Variants in ATP8A2 observed in about 807,000 individuals in gnomAD.
The protein encoded by ATP8A2 is phospholipid-transporting ATPase IB.
Under a neutral mutation model 165.6 loss-of-function variants are expected in ATP8A2, and 100 were observed. That is an observed-to-expected ratio of 0.60 (90% CI 0.51 to 0.71). The LOEUF (loss-of-function observed/expected upper bound fraction) is 0.71, where lower values mean the gene tolerates loss of function less well. Among genes scored for constraint, ATP8A2 ranks in the 30% least tolerant of loss-of-function variants. The probability of loss-of-function intolerance (pLI) is 0.00; values close to 1 mark genes in which losing one functional copy is unlikely to be tolerated. For synonymous variants in ATP8A2, 543 were observed against 548.8 expected, an observed-to-expected ratio of 0.99 and a Z score of 0.15; for missense variants, 1,227 against 1,479.5, an observed-to-expected ratio of 0.83 and a Z score of 2.80.
intron 24 of ATP8A2, among the ~76,000 whole-genome samples, chr13:25,604,487 T>C (rs1382515777): frequency 2.0e-5 from 3 of 152,214 alleles, no homozygotes; most frequent in Non-Finnish European, 4.4e-5. Context: ...GATTTCCCTA[T>C]CATGGTGAGC....
intron 1 of ATP8A2, among the ~76,000 whole-genome samples, chr13:25,467,255 G>A (rs1181117902): frequency 2.0e-5 from 3 of 152,246 alleles, no homozygotes; most frequent in Admixed American, 6.5e-5. Context: ...TGCCTGGCCT[G>A]TGACCAGGGA....
chr13:26,008,843 T>C (rs984121018), intron 35 of ATP8A2, among the ~76,000 whole-genome samples: 2 of 152,194 alleles, frequency 1.3e-5, no homozygotes, highest in African/African-American at 4.8e-5. Context: ...TAAATTATTT[T>C]CTAACTTTTG....
rs556209136 is a variant in ATP8A2 at position 25,839,469 on chromosome 13, TG to T, written c.2878-76del. The T allele has an allele frequency of 8.4e-4, 813 of 965,174 alleles. 4 individuals are homozygous for T. In the African/African-American group the frequency reaches 0.011, roughly 13 times the overall value. The allele number at this position is 965,174 out of a possible 1,614,324, so 59.8% of individuals were successfully genotyped here. A position where few individuals can be genotyped will look rare whatever the true frequency, so the allele number is the denominator to read the frequency against. On this transcript the variant is annotated intron_variant, in intron 29 of 36. Transcript: ENST00000381655. ...AGCGCACGGCCAGGATCCTTCACAA[TG>T]TGGCGTTTGTTGAGAGTTTCACAGA...
intron 32 of ATP8A2, 35 bp downstream of exon 32, chr13:25,860,895 A>G (rs1278617897): frequency 4.9e-6 from 7 of 1,436,060 alleles, no homozygotes; most frequent in Admixed American, 1.9e-5. Context: ...TCTGTTCAGT[A>G]TAGATATTTT....
intron 35 of ATP8A2, among the ~76,000 whole-genome samples, chr13:25,976,513 C>T (rs1480856201): frequency 3.9e-5 from 6 of 152,046 alleles, no homozygotes; most frequent in Middle Eastern, 3.4e-3. Flanking sequence ...TGGAAAGCCA[C>T]GGAGCCCCCA....
At chr13:25,410,039 G>C (rs1227804174) in intron 1 of ATP8A2, among the ~76,000 whole-genome samples, 2 of 149,754 alleles carry the variant, frequency 1.3e-5, no homozygotes, top group Non-Finnish European at 1.5e-5. Context: ...CTCCTAATGG[G>C]TTCAGCCATT....
chr13:25,749,762 A>G (rs2044115081), intron 25 of ATP8A2, among the ~76,000 whole-genome samples: 1 of 152,242 alleles, frequency 6.6e-6, no homozygotes, highest in Admixed American at 6.5e-5. Context: ...CTGGAAAGGA[A>G]GTTAAAATGG....
chr13:25,815,297 A>G (rs986649353), intron 27 of ATP8A2, among the ~76,000 whole-genome samples: 7 of 152,216 alleles, frequency 4.6e-5, no homozygotes, highest in Non-Finnish European at 7.3e-5. Context: ...TGCAAATCAT[A>G]TATCCGATAA....
At chr13:25,880,137 A>G (rs911494210) in intron 33 of ATP8A2, among the ~76,000 whole-genome samples, 1 of 152,218 alleles carries the variant, frequency 6.6e-6, no homozygotes, top group Non-Finnish European at 1.5e-5. Flanking sequence ...AGGAATAATC[A>G]GTTATCAGAT....
chr13:25,573,449 C>T (rs943364039), intron 18 of ATP8A2, among the ~76,000 whole-genome samples: 36 of 152,002 alleles, frequency 2.4e-4, no homozygotes, highest in Admixed American at 9.8e-4. Flanking sequence ...AGTTAGGACT[C>T]GTAGATAACA....
chr13:25,891,339 T>TTTGTA (rs1204551217), intron 33 of ATP8A2, among the ~76,000 whole-genome samples: 1 of 152,182 alleles, frequency 6.6e-6, no homozygotes, highest in Non-Finnish European at 1.5e-5. Context: ...TTTGTTTTGT[T>TTTGTA]TGAGACACAG....
At position 25,596,896 on chromosome 13, in the gene ATP8A2, G is replaced by A. The variant is rs914971673; in HGVS notation, c.2211+7197G>A. On this transcript the variant is annotated intron_variant, in intron 24 of 36. Coordinates refer to ENST00000381655, the MANE Select transcript of ATP8A2 (RefSeq NM_016529.6). ...GTATTACCTGCGAGTTTTCATTTTT[G>A]CGTATCTTCACCGGTGTTTGGTACT... Among the ~76,000 whole-genome samples, 21 of 152,060 alleles carry A rather than the reference G, an allele frequency of 1.4e-4. 1 individual carries two copies. The highest frequency in any genetic ancestry group is 2.8e-4 in the Non-Finnish European group (19 of 67,998).
At chr13:25,907,378 T>A (rs112285147) in intron 33 of ATP8A2, among the ~76,000 whole-genome samples, 1 of 77,006 alleles carries the variant, frequency 1.3e-5, no homozygotes, top group Non-Finnish European at 2.8e-5. Context: ...TAAAATAAAA[T>A]AAAATAAAAT....
chr13:25,502,783 G>A (rs1379607395), intron 2 of ATP8A2, among the ~76,000 whole-genome samples: 6 of 152,174 alleles, frequency 3.9e-5, no homozygotes, highest in Admixed American at 6.5e-5. Context: ...ACTGCACGAT[G>A]TCATGGCCTG....
At chr13:25,398,147 A>G (rs1374767031) in intron 1 of ATP8A2, among the ~76,000 whole-genome samples, 1 of 152,220 alleles carries the variant, frequency 6.6e-6, no homozygotes, top group Non-Finnish European at 1.5e-5. Context: ...AATTTTCCCC[A>G]CATGAGATGG....
intron 24 of ATP8A2, among the ~76,000 whole-genome samples, chr13:25,619,066 A>C (rs1451914343): frequency 6.6e-6 from 1 of 152,190 alleles, no homozygotes; most frequent in Non-Finnish European, 1.5e-5. Context: ...CGTTGAAGAA[A>C]GGAGAGTAAG....
chr13:25,554,511 ATGTGTGTGTGTGTGTGTATGTGTGTG>A (rs2038917540), intron 12 of ATP8A2, among the ~76,000 whole-genome samples: 1 of 141,232 alleles, frequency 7.1e-6, no homozygotes, highest in Non-Finnish European at 1.5e-5. Flanking sequence ...AATATAAATC[ATGTGTGTGTGTGTGTGTATGTGTGTG>A]TGTGTGTGTG....
At chr13:25,639,522 G>T (rs1022921988) in intron 24 of ATP8A2, among the ~76,000 whole-genome samples, 2 of 152,128 alleles carry the variant, frequency 1.3e-5, no homozygotes, top group African/African-American at 4.8e-5. Flanking sequence ...TTGCATAATG[G>T]CAAAGGGATC....
At chr13:25,582,006 T>G (rs757369164) in intron 23 of ATP8A2, 49 bp downstream of exon 23, 19 of 1,526,522 alleles carry the variant, frequency 1.2e-5, no homozygotes, top group Non-Finnish European at 1.7e-5. Flanking sequence ...TGTATTTGTT[T>G]TTCAAGTATC....
Sources: gnomAD v4.1 joint callset for allele counts (sites outside exome capture counted in the v4.1 genomes callset) on GRCh38, gnomAD v4.1.1 for gene constraint, MANE v1.5 for transcripts, NCBI Gene and HGNC (gene_info 2026-07-23, HGNC 2026-07-21) for gene names.